The following TCF25 variants were observed in gnomAD, a reference collection of about 807,000 sequenced individuals.
TCF25 encodes ribosome quality control complex subunit TCF25.
Under a neutral mutation model 83.1 loss-of-function variants are expected in TCF25, and 41 were observed. The ratio of observed to expected loss-of-function variants is 0.49; its 90% CI spans 0.38 to 0.64. TCF25 has a LOEUF of 0.64. Among genes scored for constraint, TCF25 ranks in the 30% least tolerant of loss-of-function variants. TCF25 has a pLI of 0.00. For missense variants in TCF25, 979 were observed against 914.5 expected, an observed-to-expected ratio of 1.07 and a Z score of -0.91; for synonymous variants, 458 against 365.0, an observed-to-expected ratio of 1.25 and a Z score of -2.90.
chr16:89,907,189 T>C (rs916107999), intron 15 of TCF25, 54 bp from the exon 16 acceptor site: 2 of 1,571,094 alleles, frequency 1.3e-6, no homozygotes, highest in South Asian at 1.1e-5. Flanking sequence ...CTGGGAGAGG[T>C]AGAGGCCCCC....
chr16:89,896,195 C>A (rs1669553062), intron 9 of TCF25, 112 bp downstream of exon 9: 2 of 916,242 alleles, frequency 2.2e-6, no homozygotes, highest in Admixed American at 2.2e-5. Flanking sequence ...GGACCAGGGC[C>A]CACAGGTCCA....
chr16:89,899,658 G>A (rs1420816145), intron 11 of TCF25, among the ~76,000 whole-genome samples: 1 of 152,066 alleles, frequency 6.6e-6, no homozygotes, highest in Admixed American at 6.6e-5. Context: ...AACCTGGGAG[G>A]TGGAGGTTGC....
chr16:89,910,916 G>A (rs886348840), intron 17 of TCF25, among the ~76,000 whole-genome samples, 164 bp from the exon 18 acceptor site: 1 of 152,244 alleles, frequency 6.6e-6, no homozygotes, highest in Non-Finnish European at 1.5e-5. Context: ...TCTAGACACG[G>A]CATTTGGTTT....
At chr16:89,876,112 A>T (rs1216152020) in intron 1 of TCF25, among the ~76,000 whole-genome samples, 1 of 152,094 alleles carries the variant, frequency 6.6e-6, no homozygotes, top group Admixed American at 6.6e-5. Flanking sequence ...AACCACACAA[A>T]CCCTTGTGGA....
chr16:89,892,189 C>T lies in TCF25; in HGVS notation c.615-4C>T. ...AAGCTGTACCTGTGTCCCGTTCTCC[C>T]CAGGCCACGGCAGAGACAACGTGTG... On this transcript the variant is annotated splice_region_variant and splice_polypyrimidine_tract_variant and intron_variant, in intron 5 of 17. Transcript: ENST00000263346. 6.2e-7 allele frequency: 1 copy of T among 1,606,024 alleles called. No individual in the cohort carries two copies. Among genetic ancestry groups the T allele is most frequent in the Non-Finnish European group, 8.5e-7 (1 of 1,176,234 alleles).
intron 1 of TCF25, among the ~76,000 whole-genome samples, chr16:89,878,256 G>A (rs1490833037): frequency 6.6e-6 from 1 of 151,728 alleles, no homozygotes; most frequent in African/African-American, 2.4e-5. Flanking sequence ...CTCCAGCCTG[G>A]GTGACAAAGT....
intron 7 of TCF25, 178 bp downstream of exon 7, chr16:89,894,036 G>A (rs963571495): frequency 1.0e-5 from 9 of 895,114 alleles, no homozygotes; most frequent in Non-Finnish European, 1.5e-5. Flanking sequence ...GTGTTCGGAG[G>A]CTCTAGGCCA....
chr16:89,900,239 GCT>G (rs1362959754), intron 11 of TCF25, among the ~76,000 whole-genome samples: 1 of 145,336 alleles, frequency 6.9e-6, no homozygotes, highest in Non-Finnish European at 1.6e-5. Context: ...GTGGCGGGCT[GCT>G]CTCGGAAACT....
intron 16 of TCF25, chr16:89,909,015 G>T: frequency 1.6e-6 from 2 of 1,289,554 alleles, no homozygotes; most frequent in Non-Finnish European, 2.0e-6. Flanking sequence ...ACAGCTCTGC[G>T]TTTGCAGGCC....
intron 5 of TCF25, among the ~76,000 whole-genome samples, chr16:89,891,218 T>C: frequency 6.6e-6 from 1 of 152,180 alleles, no homozygotes; most frequent in South Asian, 2.1e-4. Context: ...CCTTACTTGT[T>C]TTGTGGGATA....
intron 14 of TCF25, 92 bp from the exon 15 acceptor site, chr16:89,906,102 T>G: frequency 9.1e-7 from 1 of 1,100,340 alleles, no homozygotes; most frequent in Non-Finnish European, 1.3e-6. Context: ...AGATGCCTCG[T>G]GCTGGGTGGG....
intron 15 of TCF25, among the ~76,000 whole-genome samples, 187 bp downstream of exon 15, chr16:89,906,471 G>C (rs1028455994): frequency 6.6e-6 from 1 of 152,114 alleles, no homozygotes; most frequent in Non-Finnish European, 1.5e-5. Context: ...TCGGATGCTT[G>C]TTGTTTTGAG....
chr16:89,889,318 C>T lies in TCF25; in HGVS notation c.614+1601C>T, dbSNP rs2043249070. ...TCAGTCTCCCAAATAGCTGGGACTA[C>T]CGGCACATGCCACCGCTAATTTATT... On this transcript the variant is annotated intron_variant, in intron 5 of 17. Transcript: ENST00000263346. 2.6e-5 allele frequency: 8 copies of T among 304,180 alleles called. No homozygotes were observed. The Admixed American group carries it at 3.6e-4, about 14-fold the overall frequency. The allele number at this position is 304,180 out of a possible 1,614,324, so 18.8% of individuals were successfully genotyped here. A position where few individuals can be genotyped will look rare whatever the true frequency, so the allele number is the denominator to read the frequency against.
At chr16:89,880,494 G>A (rs982384114) in intron 1 of TCF25, among the ~76,000 whole-genome samples, 3 of 152,038 alleles carry the variant, frequency 2.0e-5, no homozygotes, top group Non-Finnish European at 4.4e-5. Context: ...TGAGGCAGGA[G>A]AATCACTTGA....
At chr16:89,906,165 T>C (rs761399709) in intron 14 of TCF25, 29 bp from the exon 15 acceptor site, 25 of 1,601,386 alleles carry the variant, frequency 1.6e-5, no homozygotes, top group Non-Finnish European at 1.7e-6. Context: ...GTGCTTTATC[T>C]GCTGTGCCTT....
chr16:89,903,756 G>C (rs1184967992), intron 12 of TCF25, among the ~76,000 whole-genome samples: 1 of 152,148 alleles, frequency 6.6e-6, no homozygotes, highest in East Asian at 1.9e-4. Flanking sequence ...GCAGTGAGCC[G>C]AGATTTCGCC....
At chr16:89,908,307 C>A (rs1244112177) in intron 16 of TCF25, among the ~76,000 whole-genome samples, 10 of 144,102 alleles carry the variant, frequency 6.9e-5, no homozygotes, top group Non-Finnish European at 1.2e-4. Context: ...GCTTCCTCCT[C>A]CCACCTTCTA....
chr16:89,910,763 C>T, intron 17 of TCF25, 100 bp downstream of exon 17: 1 of 1,364,808 alleles, frequency 7.3e-7, no homozygotes, highest in Non-Finnish European at 1.0e-6. Flanking sequence ...ACTGTGCCAG[C>T]CGGCACAGGG....
At chr16:89,904,445 G>C (rs2044605486) in intron 13 of TCF25, 1 of 574,102 alleles carries the variant, frequency 1.7e-6, no homozygotes, top group East Asian at 2.9e-5. Context: ...TATAAAGAGG[G>C]TGCCAGGCGT....
Sources: allele counts gnomAD v4.1 joint callset (sites outside exome capture counted in the v4.1 genomes callset), GRCh38; gene constraint gnomAD v4.1.1; transcripts MANE v1.5; gene names NCBI Gene and HGNC (gene_info 2026-07-23, HGNC 2026-07-21).